Variants in HOMER2 observed in about 807,000 individuals in gnomAD.
HOMER2 encodes the protein homer scaffold protein 2, also known as homer protein homolog 2.
A neutral mutation model predicts 47.0 loss-of-function variants in HOMER2; 27 were observed. The ratio of observed to expected loss-of-function variants is 0.57; its 90% CI spans 0.42 to 0.79. The LOEUF (loss-of-function observed/expected upper bound fraction) is 0.79. Among genes scored for constraint, HOMER2 ranks in the 30% least tolerant of loss-of-function variants. The pLI is 0.00. For synonymous variants in HOMER2, 161 were observed against 163.8 expected (o/e 0.98, Z 0.13); for missense variants, 443 against 435.0 (o/e 1.02, Z -0.16).
At chr15:82,972,718 G>A (rs2030039763) in intron 1 of HOMER2, among the ~76,000 whole-genome samples, 1 of 152,186 alleles carries the variant, frequency 6.6e-6, no homozygotes, top group Non-Finnish European at 1.5e-5. Flanking sequence ...CTTAGGCACT[G>A]CAGTAGAGGT....
exon 2 of HOMER2, chr15:82,843,560 G>A (rs1402047123): frequency 6.8e-6 from 1 of 147,286 alleles, no homozygotes; most frequent in Non-Finnish European, 1.5e-5. Flanking sequence ...TGACTAAAAG[G>A]TGTTTTTTTA....
At chr15:82,917,912 A>G (rs981359142) in intron 1 of HOMER2, among the ~76,000 whole-genome samples, 3 of 152,162 alleles carry the variant, frequency 2.0e-5, no homozygotes, top group Non-Finnish European at 1.5e-5. Flanking sequence ...CTGGTCTAAG[A>G]CAGGTGTGGG....
intron 1 of HOMER2, among the ~76,000 whole-genome samples, chr15:82,978,299 G>A (rs1184074369): frequency 3.9e-5 from 6 of 152,180 alleles, no homozygotes; most frequent in Non-Finnish European, 7.3e-5. Context: ...TATAATTTAG[G>A]TGGATGTAAA....
rs1186308099 is a variant in HOMER2, at chr15:82,851,195, G to A, written c.799C>T (p.Pro267Ser). 3 of 1,571,528 alleles carry A rather than the reference G, an allele frequency of 1.9e-6. No homozygotes were observed. The highest frequency in any genetic ancestry group is 1.7e-4 in the Middle Eastern group (1 of 6,034). ...TATTCGCACTCTGACATGAGCTGAG[G>A]TATGATTTCACTTTGTTTTCGGAGA... ...KDLRKQSEII[P>S]QLMSECEYVS... is the part of the protein sequence containing the mutation. Residue 267 changes from proline to serine, a missense_variant, in exon 8 of 9, where the codon CCT (proline) becomes TCT (serine). Transcript: ENST00000450735.
chr15:82,939,948 T>C (rs1007150505), intron 1 of HOMER2, among the ~76,000 whole-genome samples: 12 of 152,206 alleles, frequency 7.9e-5, no homozygotes, highest in African/African-American at 2.9e-4. Context: ...ACCATCATTC[T>C]GAGCAAACTG....
Position 82,896,791 on chromosome 15 carries a change from C to T in HOMER2, c.6-3950G>A, listed in dbSNP as rs564019057. On this transcript the variant is annotated intron_variant, in intron 1 of 8. Coordinates refer to ENST00000450735, the MANE Select transcript of HOMER2 (RefSeq NM_004839.4). ...TGGGATTTCACATGAATAACCAAGTCTGGGGGCACTGGGGAGTTCCATGCT... is the reference window on the plus strand; with the variant it reads ...TGGGATTTCACATGAATAACCAAGTTTGGGGGCACTGGGGAGTTCCATGCT... Among the ~76,000 whole-genome samples, 12 of 152,316 alleles carry T rather than the reference C, an allele frequency of 7.9e-5. No individual in the cohort carries two copies. The East Asian group carries it at 1.7e-3, about 22-fold the overall frequency.
intron 2 of HOMER2, among the ~76,000 whole-genome samples, chr15:82,889,332 C>G (rs574548707): frequency 6.6e-6 from 1 of 152,374 alleles, no homozygotes; most frequent in South Asian, 2.1e-4. Context: ...TGAGGCTCCA[C>G]GGCATGCATG....
intron 3 of HOMER2, among the ~76,000 whole-genome samples, chr15:82,869,388 T>G (rs1450293776): frequency 6.6e-6 from 1 of 151,998 alleles, no homozygotes; most frequent in East Asian, 1.9e-4. Flanking sequence ...TTATGGCCTC[T>G]TTTGAAATAA....
intron 1 of HOMER2, among the ~76,000 whole-genome samples, chr15:82,949,922 G>C (rs1474463177): frequency 2.0e-5 from 3 of 152,162 alleles, no homozygotes; most frequent in East Asian, 1.9e-4. Flanking sequence ...TATACTGATG[G>C]AGAAGACCCC....
At chr15:82,859,219 A>C (rs1440911996) in intron 4 of HOMER2, 84 bp from the exon 5 acceptor site, 1 of 1,598,208 alleles carries the variant, frequency 6.3e-7, no homozygotes, top group Non-Finnish European at 8.6e-7. Flanking sequence ...GCACATCGGC[A>C]GCAAGTTAGG....
intron 1 of HOMER2, among the ~76,000 whole-genome samples, chr15:82,984,366 C>T (rs889756385): frequency 2.0e-5 from 3 of 152,316 alleles, no homozygotes; most frequent in African/African-American, 7.2e-5. Context: ...GTTGTTACAC[C>T]TCTTACCTTT....
intron 1 of HOMER2, among the ~76,000 whole-genome samples, chr15:82,929,920 G>C (rs58482034): frequency 0.037 from 5,620 of 151,784 alleles, 333 homozygotes; most frequent in African/African-American, 0.13. Flanking sequence ...AGTAGAGATG[G>C]GGCTTCTCCA....
At chr15:82,845,071 A>C (rs1255548539), downstream of HOMER2, 1 of 152,246 alleles carries the variant, frequency 6.6e-6, no homozygotes, top group Non-Finnish European at 1.5e-5. Context: ...CACTTCAAAC[A>C]AAAGATCCAC....
intron 1 of HOMER2, among the ~76,000 whole-genome samples, chr15:82,895,555 C>T (rs2052880860): frequency 6.6e-6 from 1 of 152,236 alleles, no homozygotes; most frequent in African/African-American, 2.4e-5. Context: ...TATTCTCCTA[C>T]ATACGTGAAA....
chr15:82,950,647 T>C (rs962521092), intron 1 of HOMER2, among the ~76,000 whole-genome samples: 1 of 152,218 alleles, frequency 6.6e-6, no homozygotes, highest in Non-Finnish European at 1.5e-5. Flanking sequence ...CTATTAAAAA[T>C]GGCAGAGGTA....
At position 82,899,009 on chromosome 15, in the gene HOMER2, C is replaced by G. The variant is rs144112226; in HGVS notation, c.6-6168G>C. On this transcript the variant is annotated intron_variant, in intron 1 of 8. Transcript: ENST00000450735. ...ACCCCTCCAAACACCATCTACTACA[C>G]CAACCGACAGGTCTTCCTCTAGTCC... Among the ~76,000 whole-genome samples, 845 of 152,322 alleles carry G rather than the reference C, an allele frequency of 5.5e-3. 8 individuals are homozygous for G. Among genetic ancestry groups the G allele is most frequent in the African/African-American group, 0.019 (789 of 41,564 alleles).
chr15:82,900,541 A>G lies in HOMER2; in HGVS notation c.6-7700T>C, dbSNP rs558851713. Among the ~76,000 whole-genome samples the G allele has an allele frequency of 2.0e-5, 3 of 152,374 alleles. No homozygotes were observed. The East Asian group carries it at 5.8e-4, about 29-fold the overall frequency. Reference sequence around the variant, plus strand: ...AAAATGAAAAGCAATGAAGAGTTTTAGCCATCTCAGATATTGAAATGTATT... The same window carrying G: ...AAAATGAAAAGCAATGAAGAGTTTTGGCCATCTCAGATATTGAAATGTATT... On this transcript the variant is annotated intron_variant, in intron 1 of 8. Coordinates refer to ENST00000450735, the MANE Select transcript of HOMER2 (RefSeq NM_004839.4).
At chr15:82,920,918 A>G (rs2053712402) in intron 1 of HOMER2, among the ~76,000 whole-genome samples, 1 of 151,730 alleles carries the variant, frequency 6.6e-6, no homozygotes, top group African/African-American at 2.4e-5. Context: ...CTTGGGCTCA[A>G]GCAATCCTCT....
intron 1 of HOMER2, among the ~76,000 whole-genome samples, chr15:82,931,112 A>G (rs2053998626): frequency 6.6e-6 from 1 of 152,170 alleles, no homozygotes; most frequent in African/African-American, 2.4e-5. Context: ...CAAAAAAAAA[A>G]AAAAAGCTTG....
Sources: gnomAD v4.1 joint callset for allele counts (sites outside exome capture counted in the v4.1 genomes callset) on GRCh38, gnomAD v4.1.1 for gene constraint, MANE v1.5 for transcripts, NCBI Gene and HGNC (gene_info 2026-07-23, HGNC 2026-07-21) for gene names.